Variants in TECPR2 observed in about 807,000 individuals in gnomAD.
TECPR2 encodes tectonin beta-propeller repeat containing 2.
Under a neutral mutation model 138.1 loss-of-function variants are expected in TECPR2, and 65 were observed. That is an observed-to-expected ratio of 0.47 (90% CI 0.39 to 0.58). TECPR2 has a LOEUF of 0.58. TECPR2 is among the 20% of genes least tolerant of loss of function. The probability of loss-of-function intolerance (pLI) is 0.00; values close to 1 mark genes in which losing one functional copy is unlikely to be tolerated. For synonymous variants in TECPR2, 746 were observed against 749.8 expected, an observed-to-expected ratio of 0.99 and a Z score of 0.08; for missense variants, 1,553 against 1,824.5, an observed-to-expected ratio of 0.85 and a Z score of 2.71.
At chr14:102,406,417 G>T (rs1265512091) in intron 2 of TECPR2, among the ~76,000 whole-genome samples, 2 of 152,098 alleles carry the variant, frequency 1.3e-5, no homozygotes, top group Non-Finnish European at 2.9e-5. Context: ...GTGGTGGCGG[G>T]CGCCTGTGGT....
chr14:102,372,270 CT>C (rs368764334), intron 1 of TECPR2, among the ~76,000 whole-genome samples: 108 of 144,672 alleles, frequency 7.5e-4, no homozygotes, highest in Admixed American at 8.3e-4. Flanking sequence ...CTTTTCTTTT[CT>C]TTTTTTTTTT....
At chr14:102,408,839 A>G (rs1439836035) in intron 4 of TECPR2, among the ~76,000 whole-genome samples, 1 of 152,126 alleles carries the variant, frequency 6.6e-6, no homozygotes, top group Admixed American at 6.6e-5. Flanking sequence ...TTTTCATTCC[A>G]CTGTTGTGTA....
chr14:102,425,183 T>C lies in TECPR2; in HGVS notation c.843T>C (p.Ser281=), dbSNP rs1469303736. 2.5e-6 allele frequency: 4 copies of C among 1,614,080 alleles called. No homozygotes were observed. The highest frequency in any genetic ancestry group is 1.3e-5 in the African/African-American group (1 of 74,922). The change falls in exon 6 of 20, where the codon AGT becomes AGC. Residue 281 remains serine (S), a synonymous_variant. Coordinates refer to ENST00000359520, the MANE Select transcript of TECPR2 (RefSeq NM_014844.5). ...GTCTGGAATCCCCCAACAGTGGAAG[T>C]TGCAGCTTACCTGAGAGGCACCTGG... ...HPRLESPNSG[S]CSLPERHLGL...
At chr14:102,441,514 T>TA (rs755321740) in intron 11 of TECPR2, among the ~76,000 whole-genome samples, 576 of 123,504 alleles carry the variant, frequency 4.7e-3, no homozygotes, top group East Asian at 0.019. Flanking sequence ...CTGTCTCTAC[T>TA]AAAAAAAAAA....
At chr14:102,439,273 A>C (rs1344499124) in intron 10 of TECPR2, among the ~76,000 whole-genome samples, 1 of 152,188 alleles carries the variant, frequency 6.6e-6, no homozygotes, top group East Asian at 1.9e-4. Flanking sequence ...AATAGAAGTC[A>C]GACGAAGCCG....
chr14:102,424,915 A>C (rs1889274052), intron 5 of TECPR2, 64 bp from the exon 6 acceptor site: 1 of 1,461,844 alleles, frequency 6.8e-7, no homozygotes, highest in Non-Finnish European at 9.3e-7. Flanking sequence ...AGGGTTGACA[A>C]CTGCATTACT....
At chr14:102,442,721 T>C (rs780971886) in intron 11 of TECPR2, among the ~76,000 whole-genome samples, 3 of 152,086 alleles carry the variant, frequency 2.0e-5, no homozygotes, top group Non-Finnish European at 4.4e-5. Context: ...CCTAGTTTAG[T>C]GGAAGGAAAT....
intron 2 of TECPR2, among the ~76,000 whole-genome samples, chr14:102,383,414 GT>G (rs1445725833): frequency 1.4e-4 from 20 of 142,960 alleles, no homozygotes; most frequent in Admixed American, 2.1e-4. Context: ...TGTTTTTTTT[GT>G]TTTTTTTTTT....
At chr14:102,399,961 T>G (rs1888429517) in intron 2 of TECPR2, among the ~76,000 whole-genome samples, 2 of 152,144 alleles carry the variant, frequency 1.3e-5, no homozygotes, top group Admixed American at 1.3e-4. Context: ...CTACATGATT[T>G]AAGAGACTAA....
At chr14:102,427,261 C>T (rs1293252039) in intron 6 of TECPR2, among the ~76,000 whole-genome samples, 2 of 152,210 alleles carry the variant, frequency 1.3e-5, no homozygotes, top group African/African-American at 4.8e-5. Context: ...TAATTAGTAG[C>T]ATCAAGATGC....
At chr14:102,447,546 T>A (rs1226721182) in intron 13 of TECPR2, among the ~76,000 whole-genome samples, 1 of 152,172 alleles carries the variant, frequency 6.6e-6, no homozygotes, top group Non-Finnish European at 1.5e-5. Flanking sequence ...TGATGTTTCT[T>A]TTTTTTGAGA....
At chr14:102,469,677 C>T (rs1890618915) in intron 17 of TECPR2, among the ~76,000 whole-genome samples, 1 of 152,124 alleles carries the variant, frequency 6.6e-6, no homozygotes, top group African/African-American at 2.4e-5. Flanking sequence ...AGTCTTTTAC[C>T]ATTAAATATG....
chr14:102,458,072 CTGTGT>C (rs1439783983), intron 16 of TECPR2, among the ~76,000 whole-genome samples: 5 of 151,976 alleles, frequency 3.3e-5, no homozygotes, highest in Admixed American at 6.6e-5. Context: ...CGGTGTTTCA[CTGTGT>C]TGGCCAGGCT....
At chr14:102,414,174 T>TA (rs1888959986) in intron 4 of TECPR2, among the ~76,000 whole-genome samples, 1 of 152,182 alleles carries the variant, frequency 6.6e-6, no homozygotes, top group South Asian at 2.1e-4. Flanking sequence ...AATATGAACT[T>TA]ACAGAGCTGA....
At chr14:102,495,942 G>A (rs1013514668) in intron 17 of TECPR2, among the ~76,000 whole-genome samples, 2 of 152,230 alleles carry the variant, frequency 1.3e-5, no homozygotes, top group African/African-American at 2.4e-5. Context: ...CCCTGAGAGT[G>A]TCTGGCCCCG....
At chr14:102,457,321 C>G (rs1595136345) in intron 16 of TECPR2, among the ~76,000 whole-genome samples, 1 of 151,764 alleles carries the variant, frequency 6.6e-6, no homozygotes, top group Non-Finnish European at 1.5e-5. Context: ...CTGACCTCAA[C>G]TGATGCACCC....
chr14:102,408,460 TGTGTATA>T, intron 3 of TECPR2, 21 bp from the exon 4 acceptor site: 2 of 1,580,770 alleles, frequency 1.3e-6, no homozygotes, highest in Admixed American at 2.0e-5. Context: ...TTTTTTTTCT[TGTGTATA>T]TTTTTATCCC....
chr14:102,476,206 CAAAAAAAA>C (rs58293049), intron 17 of TECPR2, among the ~76,000 whole-genome samples: 1 of 59,680 alleles, frequency 1.7e-5, no homozygotes, highest in Non-Finnish European at 2.9e-5. Flanking sequence ...GACTCTGTCT[CAAAAAAAA>C]AAAAAAAAAA....
At chr14:102,470,624 T>TTTC (rs1290097401) in intron 17 of TECPR2, among the ~76,000 whole-genome samples, 6 of 151,136 alleles carry the variant, frequency 4.0e-5, no homozygotes, top group Non-Finnish European at 8.9e-5. Context: ...GAATTTTCTA[T>TTTC]TTCTTCTTCT....
Sources: allele counts gnomAD v4.1 joint callset (sites outside exome capture counted in the v4.1 genomes callset), GRCh38; gene constraint gnomAD v4.1.1; transcripts MANE v1.5; gene names NCBI Gene and HGNC (gene_info 2026-07-23, HGNC 2026-07-21).